Variants in CAPZA2 observed in about 807,000 individuals in gnomAD.
The protein encoded by CAPZA2 is F-actin-capping protein subunit alpha-2.
CAPZA2 carries 13 observed loss-of-function variants against 44.0 expected under a neutral mutation model. The ratio of observed to expected loss-of-function variants is 0.30; its 90% CI spans 0.19 to 0.47. The LOEUF (loss-of-function observed/expected upper bound fraction) is 0.47. CAPZA2 is among the 20% of genes least tolerant of loss of function. The probability of loss-of-function intolerance (pLI) is 1.00; values close to 1 mark genes in which losing one functional copy is unlikely to be tolerated. For synonymous variants in CAPZA2, 94 were observed against 108.2 expected (o/e 0.87, Z 0.81); for missense variants, 244 against 338.6 (o/e 0.72, Z 2.19).
At chr7:116,894,822 G>A (rs1180187632) in intron 3 of CAPZA2, among the ~76,000 whole-genome samples, 1 of 152,084 alleles carries the variant, frequency 6.6e-6, no homozygotes, top group Non-Finnish European at 1.5e-5. Context: ...TGTAGCATGT[G>A]TCAGAATTTC....
intron 1 of CAPZA2, chr7:116,880,225 CA>C (rs1796673927): frequency 2.7e-6 from 1 of 376,018 alleles, no homozygotes; most frequent in Non-Finnish European, 5.2e-6. Flanking sequence ...TAAACTAGAA[CA>C]GTTTATTTTT....
At chr7:116,883,084 G>GA (rs1343096325) in intron 1 of CAPZA2, among the ~76,000 whole-genome samples, 5 of 151,608 alleles carry the variant, frequency 3.3e-5, no homozygotes, top group African/African-American at 9.7e-5. Context: ...GGTGGATAAG[G>GA]AAAAAAAACA....
At chr7:116,874,886 C>T (rs12706109) in intron 1 of CAPZA2, 29,739 of 152,304 alleles carry the variant, frequency 0.2, 3,378 homozygotes, top group East Asian at 0.41. Flanking sequence ...GTCAGCAGTT[C>T]GAGATCATTC....
At chr7:116,889,738 T>C (rs1283876531) in intron 2 of CAPZA2, among the ~76,000 whole-genome samples, 1 of 152,170 alleles carries the variant, frequency 6.6e-6, no homozygotes, top group Non-Finnish European at 1.5e-5. Flanking sequence ...TGGCAGTTCT[T>C]ATGCATTTTA....
intron 1 of CAPZA2, among the ~76,000 whole-genome samples, chr7:116,863,626 A>G (rs1796445951): frequency 1.3e-5 from 2 of 151,996 alleles, no homozygotes; most frequent in South Asian, 4.2e-4. Flanking sequence ...GTAGGGGAGA[A>G]CCCTGCTAAT....
At chr7:116,898,167 G>T (rs1796951330) in intron 3 of CAPZA2, among the ~76,000 whole-genome samples, 1 of 151,856 alleles carries the variant, frequency 6.6e-6, no homozygotes, top group Non-Finnish European at 1.5e-5. Context: ...ATAAACCAGA[G>T]CCTATCCAGT....
At chr7:116,872,219 T>C (rs1283803391) in intron 1 of CAPZA2, among the ~76,000 whole-genome samples, 1 of 152,214 alleles carries the variant, frequency 6.6e-6, no homozygotes, top group Non-Finnish European at 1.5e-5. Flanking sequence ...GAATACTTTT[T>C]TTTTGTAAGA....
chr7:116,878,008 T>C (rs375185487), intron 1 of CAPZA2, among the ~76,000 whole-genome samples: 1 of 152,214 alleles, frequency 6.6e-6, no homozygotes, highest in South Asian at 2.1e-4. Context: ...TCGCTGATCA[T>C]GTGACTGACT....
At chr7:116,881,233 A>G (rs1207210754) in intron 1 of CAPZA2, among the ~76,000 whole-genome samples, 1 of 152,160 alleles carries the variant, frequency 6.6e-6, no homozygotes, top group Non-Finnish European at 1.5e-5. Flanking sequence ...CTTTTTATCC[A>G]TATAACAGTA....
At chr7:116,912,501 C>G (rs1046773586) in intron 8 of CAPZA2, among the ~76,000 whole-genome samples, 1 of 152,172 alleles carries the variant, frequency 6.6e-6, no homozygotes, top group African/African-American at 2.4e-5. Context: ...CCCCCAGAAC[C>G]CTCCCAGCCC....
chr7:116,912,104 G>T lies in CAPZA2; in HGVS notation c.621G>T (p.Val207=). The T allele has an allele frequency of 6.2e-7, 1 of 1,612,986 alleles. No individual in the cohort carries two copies. The highest frequency in any genetic ancestry group is 1.1e-5 in the South Asian group (1 of 91,058). The change falls in exon 8 of 10, where the codon GTG becomes GTT. Residue 207 remains valine (V), a synonymous_variant. Coordinates refer to ENST00000361183, the MANE Select transcript of CAPZA2 (RefSeq NM_006136.3). The stretch of plus-strand genomic sequence containing the variant: ...ATGAAGATGGTAATGTTCAGCTAGT[G>T]AGTCATAAAGATATACAAGATTCCC... ...HYYEDGNVQL[V]SHKDIQDSLT...
At chr7:116,867,904 T>C (rs1264362209) in intron 1 of CAPZA2, among the ~76,000 whole-genome samples, 1 of 152,168 alleles carries the variant, frequency 6.6e-6, no homozygotes, top group African/African-American at 2.4e-5. Context: ...TTCTAGCACC[T>C]CAGATAAATT....
intron 8 of CAPZA2, among the ~76,000 whole-genome samples, chr7:116,914,470 C>CAT (rs201411570): frequency 1.4e-5 from 2 of 147,552 alleles, no homozygotes; most frequent in Admixed American, 6.8e-5. Flanking sequence ...CACACACACA[C>CAT]GTATTTTTTT....
At position 116,881,551 on chromosome 7, in the gene CAPZA2, A is replaced by G. The variant is rs930886334; in HGVS notation, c.40-6576A>G. On this transcript the variant is annotated intron_variant, in intron 1 of 9. Transcript: ENST00000361183. ...TCAGGAGATCAAGACCATCCTGGCT[A>G]ACACGGTGAAACCCCGTCTCTACTA... Among the ~76,000 whole-genome samples, 9 of 152,094 alleles carry G rather than the reference A, an allele frequency of 5.9e-5. No individual in the cohort carries two copies. The South Asian group carries it at 1.5e-3, about 25-fold the overall frequency.
chr7:116,865,102 C>A (rs771009406), intron 1 of CAPZA2, among the ~76,000 whole-genome samples: 1 of 150,276 alleles, frequency 6.7e-6, no homozygotes, highest in Admixed American at 6.7e-5. Flanking sequence ...CACCCAAGGA[C>A]GGTCAAGATG....
At chr7:116,889,978 A>G (rs561221458) in intron 2 of CAPZA2, among the ~76,000 whole-genome samples, 2 of 152,318 alleles carry the variant, frequency 1.3e-5, no homozygotes, top group South Asian at 2.1e-4. Context: ...TTGGGGGATT[A>G]AAGAAGATAG....
intron 4 of CAPZA2, 89 bp downstream of exon 4, chr7:116,898,924 A>G: frequency 2.8e-6 from 2 of 708,172 alleles, no homozygotes; most frequent in Non-Finnish European, 4.7e-6. Context: ...TGCAAGATAA[A>G]AAATTATTCA....
chr7:116,904,406 G>C, intron 5 of CAPZA2, 23 bp downstream of exon 5: 1 of 1,449,044 alleles, frequency 6.9e-7, no homozygotes, highest in Non-Finnish European at 9.7e-7. Flanking sequence ...TAGCAGCTTT[G>C]TGTGTGTGTT....
chr7:116,866,140 A>G (rs367874947), intron 1 of CAPZA2, among the ~76,000 whole-genome samples: 4 of 152,082 alleles, frequency 2.6e-5, no homozygotes, highest in South Asian at 2.1e-4. Context: ...GAAGAACACA[A>G]TGAAGTTCTT....
Sources: allele counts gnomAD v4.1 joint callset (sites outside exome capture counted in the v4.1 genomes callset), GRCh38; gene constraint gnomAD v4.1.1; transcripts MANE v1.5; gene names NCBI Gene and HGNC (gene_info 2026-07-23, HGNC 2026-07-21).